Variants in ADAMTS17 observed in about 807,000 individuals in gnomAD.
ADAMTS17 encodes ADAM metallopeptidase with thrombospondin type 1 motif 17, also known as A disintegrin and metalloproteinase with thrombospondin motifs 17.
Under a neutral mutation model 141.5 loss-of-function variants are expected in ADAMTS17, and 113 were observed. The ratio of observed to expected loss-of-function variants is 0.80; its 90% CI spans 0.69 to 0.93. The LOEUF (loss-of-function observed/expected upper bound fraction) is 0.93, where lower values mean the gene tolerates loss of function less well. ADAMTS17 is among the 40% of genes least tolerant of loss of function. ADAMTS17 has a pLI of 0.00. For synonymous variants in ADAMTS17, 768 were observed against 630.6 expected, an observed-to-expected ratio of 1.22 and a Z score of -3.27; for missense variants, 1,659 against 1,517.9, an observed-to-expected ratio of 1.09 and a Z score of -1.54.
intron 10 of ADAMTS17, among the ~76,000 whole-genome samples, chr15:100,139,887 T>C (rs2418481): frequency 0.94 from 142,760 of 152,320 alleles, 67,554 homozygotes; most frequent in East Asian, 1. Context: ...AGGACATTGA[T>C]GGAAAAACTG....
chr15:100,305,262 T>C (rs1306718128), intron 3 of ADAMTS17, among the ~76,000 whole-genome samples: 1 of 152,246 alleles, frequency 6.6e-6, no homozygotes. Context: ...CATCTCAACC[T>C]GGTCTTTATG....
chr15:100,236,153 C>G (rs1181021443), intron 7 of ADAMTS17, among the ~76,000 whole-genome samples: 1 of 152,140 alleles, frequency 6.6e-6, no homozygotes, highest in African/African-American at 2.4e-5. Flanking sequence ...CAGGAAGTAA[C>G]TCGGAAATTT....
chr15:100,072,274 AGAACAT>A (rs1349319480), intron 15 of ADAMTS17, among the ~76,000 whole-genome samples: 1 of 148,802 alleles, frequency 6.7e-6, no homozygotes, highest in Non-Finnish European at 1.5e-5. Flanking sequence ...AACAAATGGA[AGAACAT>A]TCCATGCTCA....
rs574483101 is a variant in ADAMTS17 at position 100,218,077 on chromosome 15, TG to T, written c.1076-18655del. Among the ~76,000 whole-genome samples the T allele has an allele frequency of 8.0e-4, 122 of 152,332 alleles. 1 individual carries two copies. The South Asian group carries it at 0.024, about 30-fold the overall frequency. The stretch of plus-strand genomic sequence containing the variant: ...CTGTAGATACAGGGTTTCACCATGT[TG>T]CCCAGGCTAGTCTCAAACTCCTGGG... On this transcript the variant is annotated intron_variant, in intron 7 of 21. Coordinates refer to ENST00000268070, the MANE Select transcript of ADAMTS17 (RefSeq NM_139057.4).
intron 4 of ADAMTS17, among the ~76,000 whole-genome samples, chr15:100,275,262 A>G (rs1365432323): frequency 6.6e-6 from 1 of 152,142 alleles, no homozygotes; most frequent in Admixed American, 6.5e-5. Flanking sequence ...GGAAAAGCAG[A>G]TGGGTCCTGG....
chr15:100,224,590 T>A (rs1034528891), intron 7 of ADAMTS17, among the ~76,000 whole-genome samples: 1 of 152,186 alleles, frequency 6.6e-6, no homozygotes, highest in Non-Finnish European at 1.5e-5. Context: ...TCCTTTATTA[T>A]AAGGTCCTCG....
At chr15:100,306,160 A>T (rs2045217305) in intron 3 of ADAMTS17, 1 of 259,722 alleles carries the variant, frequency 3.9e-6, no homozygotes, top group African/African-American at 2.2e-5. Flanking sequence ...TAGCGGTGTC[A>T]CCTACCTACA....
chr15:100,229,120 T>C (rs1049186267), intron 7 of ADAMTS17, among the ~76,000 whole-genome samples: 21 of 152,160 alleles, frequency 1.4e-4, no homozygotes, highest in Non-Finnish European at 8.8e-5. Context: ...ATGGTTCTTA[T>C]GGAGTATCCC....
chr15:100,297,382 T>C (rs2044860135), intron 3 of ADAMTS17, among the ~76,000 whole-genome samples: 3 of 152,110 alleles, frequency 2.0e-5, no homozygotes, highest in Admixed American at 6.5e-5. Context: ...ATGGCTTCTG[T>C]GGGCAGAAGA....
chr15:100,153,528 C>T (rs951850111), intron 9 of ADAMTS17, among the ~76,000 whole-genome samples: 2 of 152,096 alleles, frequency 1.3e-5, no homozygotes, highest in African/African-American at 4.8e-5. Context: ...CCTGTAGTCC[C>T]AGCTAATTGG....
Position 100,162,512 on chromosome 15 carries a change from A to G in ADAMTS17, c.1182-7192T>C, listed in dbSNP as rs202195817. The stretch of plus-strand genomic sequence containing the variant: ...ATGCACATATACACATTATATGTGT[A>G]TATATATGCACATATACACATTATA... On this transcript the variant is annotated intron_variant, in intron 8 of 21. Coordinates refer to ENST00000268070, the MANE Select transcript of ADAMTS17 (RefSeq NM_139057.4). Among the ~76,000 whole-genome samples, 96 of 103,394 alleles carry G rather than the reference A, an allele frequency of 9.3e-4. 1 individual carries two copies. The highest frequency in any genetic ancestry group is 3.6e-3 in the African/African-American group (95 of 26,470). The allele number at this position is 103,394 out of a possible 152,430, so 67.8% of individuals were successfully genotyped here. A position where few individuals can be genotyped will look rare whatever the true frequency, so the allele number is the denominator to read the frequency against.
At chr15:100,053,208 T>C (rs540139111) in intron 16 of ADAMTS17, among the ~76,000 whole-genome samples, 1 of 152,286 alleles carries the variant, frequency 6.6e-6, no homozygotes, top group East Asian at 1.9e-4. Flanking sequence ...TCCTGGATCT[T>C]GAGACGGAAG....
intron 15 of ADAMTS17, among the ~76,000 whole-genome samples, chr15:100,068,436 G>A (rs576444899): frequency 5.9e-5 from 9 of 152,194 alleles, no homozygotes; most frequent in South Asian, 4.1e-4. Context: ...GGACATCTGC[G>A]AACAGAGAGA....
intron 7 of ADAMTS17, among the ~76,000 whole-genome samples, chr15:100,206,505 T>A (rs62036186): frequency 0.07 from 10,610 of 152,252 alleles, 418 homozygotes; most frequent in East Asian, 0.16. Context: ...TCAATAATTT[T>A]AAAATGAACT....
intron 8 of ADAMTS17, among the ~76,000 whole-genome samples, chr15:100,164,419 T>C (rs895275172): frequency 6.6e-6 from 1 of 152,206 alleles, no homozygotes; most frequent in Non-Finnish European, 1.5e-5. Flanking sequence ...CAACAAGTAT[T>C]TGTTGAACGC....
chr15:100,123,094 C>A (rs1381883824), intron 12 of ADAMTS17, among the ~76,000 whole-genome samples: 2 of 152,168 alleles, frequency 1.3e-5, no homozygotes, highest in East Asian at 3.9e-4. Context: ...CCCAAGGACC[C>A]CACACTGGGC....
chr15:100,315,695 C>G (rs375159612), intron 3 of ADAMTS17, among the ~76,000 whole-genome samples: 1 of 152,152 alleles, frequency 6.6e-6, no homozygotes, highest in Non-Finnish European at 1.5e-5. Context: ...AAAAAAATTA[C>G]AGAGGCCTAA....
chr15:100,194,414 T>C (rs2041035737), intron 8 of ADAMTS17, among the ~76,000 whole-genome samples: 2 of 152,234 alleles, frequency 1.3e-5, no homozygotes, highest in Admixed American at 1.3e-4. Context: ...CACAGAGCTA[T>C]GCACTTTCTT....
At chr15:100,132,254 A>G (rs960519650) in intron 11 of ADAMTS17, 102 bp from the exon 12 acceptor site, 23 of 1,458,026 alleles carry the variant, frequency 1.6e-5, no homozygotes, top group Non-Finnish European at 2.1e-5. Context: ...CCCATTTGCT[A>G]AATTTACATA....
Sources: gnomAD v4.1 joint callset for allele counts (sites outside exome capture counted in the v4.1 genomes callset) on GRCh38, gnomAD v4.1.1 for gene constraint, MANE v1.5 for transcripts, NCBI Gene and HGNC (gene_info 2026-07-23, HGNC 2026-07-21) for gene names.